The following TUSC3 variants were observed in gnomAD, a reference collection of about 807,000 sequenced individuals.
The protein encoded by TUSC3 is dolichyl-diphosphooligosaccharide--protein glycosyltransferase subunit TUSC3.
A neutral mutation model predicts 44.8 loss-of-function variants in TUSC3; 45 were observed. The ratio of observed to expected loss-of-function variants is 1.00; its 90% CI spans 0.79 to 1.29. The LOEUF (loss-of-function observed/expected upper bound fraction) is 1.29, where lower values mean the gene tolerates loss of function less well. Ranked by LOEUF, TUSC3 falls within the 50% of genes most tolerant of loss-of-function variation. TUSC3 has a pLI of 0.00. For synonymous variants in TUSC3, 212 were observed against 152.9 expected, an observed-to-expected ratio of 1.39 and a Z score of -2.85; for missense variants, 519 against 437.9, an observed-to-expected ratio of 1.19 and a Z score of -1.65.
chr8:15,648,957 A>G (rs1368672491), intron 2 of TUSC3, among the ~76,000 whole-genome samples: 1 of 151,958 alleles, frequency 6.6e-6, no homozygotes, highest in Non-Finnish European at 1.5e-5. Context: ...CTTTTCTCTG[A>G]CCCAGGAGTC....
downstream of TUSC3, among the ~76,000 whole-genome samples, chr8:15,771,553 GTAAC>G (rs1448457105): frequency 2.0e-4 from 30 of 152,228 alleles, no homozygotes; most frequent in Admixed American, 1.5e-3. Context: ...GCATAATACA[GTAAC>G]TAAATCTTGT....
chr8:15,773,366 A>G, the TUSC3 span, among the ~76,000 whole-genome samples: 1 of 152,212 alleles, frequency 6.6e-6, no homozygotes, highest in Non-Finnish European at 1.5e-5. Context: ...TTTCATTTAT[A>G]ATAGAACCAA....
At chr8:15,699,488 G>A (rs1009745171) in intron 6 of TUSC3, among the ~76,000 whole-genome samples, 1 of 152,064 alleles carries the variant, frequency 6.6e-6, no homozygotes, top group African/African-American at 2.4e-5. Flanking sequence ...ATAAAACCTA[G>A]CATTAACAAT....
chr8:15,435,622 G>A (rs905711482), intron 1 of TUSC3, among the ~76,000 whole-genome samples: 1 of 152,056 alleles, frequency 6.6e-6, no homozygotes, highest in Non-Finnish European at 1.5e-5. Context: ...TAAAACATAT[G>A]CAAGATTTTA....
chr8:15,423,885 C>G (rs939282917), intron 1 of TUSC3, among the ~76,000 whole-genome samples: 1 of 150,916 alleles, frequency 6.6e-6, no homozygotes, highest in Admixed American at 6.6e-5. Flanking sequence ...GCGGGATTAC[C>G]CCTGTTGTGT....
At chr8:15,749,807 T>C (rs1348719618) in intron 9 of TUSC3, among the ~76,000 whole-genome samples, 1 of 147,872 alleles carries the variant, frequency 6.8e-6, no homozygotes, top group East Asian at 2.0e-4. Context: ...TAGTTTGGCC[T>C]GTGTTCTATA....
In TUSC3 at chr8:15,606,158, A is replaced by G. The variant is rs1041476272; in HGVS notation, c.139-16922A>G. Among the ~76,000 whole-genome samples the G allele has an allele frequency of 2.6e-5, 4 of 152,182 alleles. No individual in the cohort carries two copies. In the East Asian group the frequency reaches 7.7e-4, roughly 29 times the overall value. On this transcript the variant is annotated intron_variant, in intron 1 of 10. Coordinates refer to ENST00000503731, the MANE Select transcript of TUSC3 (RefSeq NM_006765.4). ...TTACAAGAAAAAGTTGAGTTGCTTGATAGATACCATAGATTGAGATCTGTA... is the reference window on the plus strand; with the variant it reads ...TTACAAGAAAAAGTTGAGTTGCTTGGTAGATACCATAGATTGAGATCTGTA...
At chr8:15,591,985 C>T (rs576642111) in intron 1 of TUSC3, among the ~76,000 whole-genome samples, 3 of 152,200 alleles carry the variant, frequency 2.0e-5, no homozygotes, top group Non-Finnish European at 4.4e-5. Flanking sequence ...TGGGGAAAGC[C>T]TTCAGGAGGC....
chr8:15,679,855 C>T (rs1808342618), intron 6 of TUSC3, among the ~76,000 whole-genome samples: 1 of 151,854 alleles, frequency 6.6e-6, no homozygotes, highest in African/African-American at 2.4e-5. Flanking sequence ...TGTTTATTCC[C>T]CATTGTTTGT....
chr8:15,426,175 C>T (rs1799801314), intron 1 of TUSC3, among the ~76,000 whole-genome samples: 2 of 152,200 alleles, frequency 1.3e-5, no homozygotes, highest in Non-Finnish European at 2.9e-5. Context: ...CCCATCATCA[C>T]AATCAAGGTA....
chr8:15,562,672 G>A (rs994282826), intron 1 of TUSC3, among the ~76,000 whole-genome samples: 1 of 152,062 alleles, frequency 6.6e-6, no homozygotes, highest in East Asian at 1.9e-4. Context: ...TCAGCTTTTG[G>A]TAGTTGTAGG....
chr8:15,594,432 C>A (rs981098123), intron 1 of TUSC3, among the ~76,000 whole-genome samples: 4 of 151,854 alleles, frequency 2.6e-5, no homozygotes, highest in African/African-American at 9.7e-5. Context: ...TTTTGCATGC[C>A]TCAAAATGTT....
At chr8:15,788,321 A>G in the TUSC3 span, among the ~76,000 whole-genome samples, 1 of 152,092 alleles carries the variant, frequency 6.6e-6, no homozygotes, top group East Asian at 1.9e-4. Flanking sequence ...CCAAGGCAGG[A>G]GGATCACTTA....
At chr8:15,524,902 G>C (rs564004707) in intron 2 of TUSC3, among the ~76,000 whole-genome samples, 1 of 152,298 alleles carries the variant, frequency 6.6e-6, no homozygotes, top group South Asian at 2.1e-4. Flanking sequence ...CTGTAACAGT[G>C]AAATGGTAAA....
chr8:15,767,817 C>G (rs1812370478), downstream of TUSC3, among the ~76,000 whole-genome samples: 2 of 152,160 alleles, frequency 1.3e-5, no homozygotes, highest in African/African-American at 4.8e-5. Context: ...GAAGAAGCCA[C>G]TGCTGCCTGG....
chr8:15,758,866 A>C (rs907836686), intron 10 of TUSC3, among the ~76,000 whole-genome samples: 4 of 152,102 alleles, frequency 2.6e-5, no homozygotes, highest in African/African-American at 9.7e-5. Flanking sequence ...TGACAGATCT[A>C]AAAAGCTTCC....
chr8:15,735,922 G>T (rs1452571402), intron 7 of TUSC3, among the ~76,000 whole-genome samples: 2 of 151,396 alleles, frequency 1.3e-5, no homozygotes, highest in African/African-American at 4.9e-5. Flanking sequence ...TAGAGACGGG[G>T]TTTCACTGTG....
chr8:15,745,290 G>A (rs1372949827), intron 8 of TUSC3, among the ~76,000 whole-genome samples: 1 of 152,014 alleles, frequency 6.6e-6, no homozygotes, highest in African/African-American at 2.4e-5. Context: ...GGGTCTTTTT[G>A]GTGGAGTGAT....
the TUSC3 span, among the ~76,000 whole-genome samples, chr8:15,798,706 T>C: frequency 2.8e-4 from 42 of 152,228 alleles, no homozygotes; most frequent in African/African-American, 9.1e-4. Flanking sequence ...GCAGTCACAC[T>C]GCTTTCCAGC....
Sources: allele counts gnomAD v4.1 joint callset (sites outside exome capture counted in the v4.1 genomes callset), GRCh38; gene constraint gnomAD v4.1.1; transcripts MANE v1.5; gene names NCBI Gene and HGNC (gene_info 2026-07-23, HGNC 2026-07-21).